RNF4: variants seen among roughly 807,000 people sequenced by gnomAD.
RNF4 encodes the protein ring finger protein 4, also known as E3 ubiquitin-protein ligase RNF4.
A neutral mutation model predicts 24.3 loss-of-function variants in RNF4; 7 were observed. The observed-to-expected ratio is 0.29, with a 90% CI of 0.16 to 0.54. The LOEUF is 0.54. RNF4 is among the 20% of genes least tolerant of loss of function. The pLI is 0.95. For synonymous variants in RNF4, 83 were observed against 84.3 expected, an observed-to-expected ratio of 0.98 and a Z score of 0.09; for missense variants, 209 against 248.5, an observed-to-expected ratio of 0.84 and a Z score of 1.07.
Position 2,512,514 on chromosome 4 carries a change from T to C in RNF4, c.291T>C (p.Asp97=), listed in dbSNP as rs1736297523. ...ACAGCTGTGTGGTGAGCAGTGACGA[T>C]GAGGAGTTGTCCAGGGACAGAGACG... The part of the protein sequence containing the change: ...HADSCVVSSD[D]EELSRDRDVY... The change falls in exon 6 of 8, where the codon GAT becomes GAC. Residue 97 remains aspartate (D), a synonymous_variant. Coordinates refer to ENST00000314289, the MANE Select transcript of RNF4 (RefSeq NM_002938.5). The surrounding 1 kb of genome is among the most constrained non-coding windows in gnomAD (Gnocchi z 4.1). The C allele has an allele frequency of 3.7e-6, 6 of 1,613,824 alleles. No individual in the cohort carries two copies. The highest frequency in any genetic ancestry group is 3.3e-5 in the South Asian group (3 of 91,076).
At chr4:2,505,493 T>G (rs904905098) in intron 4 of RNF4, 1 of 150,132 alleles carries the variant, frequency 6.7e-6, no homozygotes, top group Non-Finnish European at 1.5e-5. Context: ...ACCCGGCTAA[T>G]TTTTTGTATT....
intron 1 of RNF4, among the ~76,000 whole-genome samples, chr4:2,474,592 G>T (rs982401878): frequency 3.9e-5 from 6 of 152,166 alleles, no homozygotes; most frequent in Non-Finnish European, 5.9e-5. Flanking sequence ...ATAAAACAGT[G>T]GCAGGGTTTG....
At chr4:2,513,058 CT>C in intron 6 of RNF4, 24 bp from the exon 7 acceptor site, 6 of 1,612,310 alleles carry the variant, frequency 3.7e-6, no homozygotes, top group Non-Finnish European at 5.1e-6. Flanking sequence ...GACTGAGAAA[CT>C]AACGTGAAGC....
chr4:2,513,869 T>G lies in RNF4; in HGVS notation c.*50T>G. 4 of 1,610,284 alleles carry G rather than the reference T, an allele frequency of 2.5e-6. No homozygotes were observed. Among genetic ancestry groups the G allele is most frequent in the Non-Finnish European group, 3.4e-6 (4 of 1,177,554 alleles). On this transcript the variant is annotated 3_prime_UTR_variant, in exon 8 of 8. Transcript: ENST00000314289. ...ACGGATGGACAGACAGACAGCCAGGTTCTCCAGTGGTATCTGCCTCCATTT... is the reference window on the plus strand; with the variant it reads ...ACGGATGGACAGACAGACAGCCAGGGTCTCCAGTGGTATCTGCCTCCATTT...
chr4:2,502,935 C>G (rs1446297209), intron 4 of RNF4, among the ~76,000 whole-genome samples: 1 of 152,136 alleles, frequency 6.6e-6, no homozygotes, highest in Non-Finnish European at 1.5e-5. Context: ...ACTGCAGCCT[C>G]CAACCCCTGA....
intron 7 of RNF4, 140 bp from the exon 8 acceptor site, chr4:2,513,530 C>T: frequency 2.0e-6 from 2 of 981,218 alleles, no homozygotes; most frequent in Non-Finnish European, 3.0e-6. Context: ...AGTTAGCTCT[C>T]CAGACCCCTC....
intron 4 of RNF4, among the ~76,000 whole-genome samples, chr4:2,501,426 G>C (rs1172078270): frequency 6.6e-6 from 1 of 152,240 alleles, no homozygotes; most frequent in Non-Finnish European, 1.5e-5. Flanking sequence ...GGAGGCTGGA[G>C]CCCAGGAGGC....
chr4:2,483,810 A>C, intron 1 of RNF4, among the ~76,000 whole-genome samples: 1 of 151,998 alleles, frequency 6.6e-6, no homozygotes, highest in Non-Finnish European at 1.5e-5. Flanking sequence ...TCTCAAAAAA[A>C]AATTATTTGT....
Position 2,485,358 on chromosome 4 carries a change from A to C in RNF4, c.-157-4979A>C, listed in dbSNP as rs75303719. On this transcript the variant is annotated intron_variant, in intron 1 of 7. Transcript: ENST00000314289. ...GTTCTCCTAGCTTTGTTTCTTTTAA[A>C]TTCTCTTTTACAGATTCTATCTACC... Among the ~76,000 whole-genome samples the C allele has an allele frequency of 2.0e-3, 305 of 152,154 alleles. 2 individuals are homozygous for C. Among genetic ancestry groups the C allele is most frequent in the African/African-American group, 7.0e-3 (290 of 41,502 alleles).
rs779549191 is a variant in RNF4 at position 2,512,582 on chromosome 4, G to A, written c.359G>A (p.Gly120Asp). The change falls in exon 6 of 8, where the codon GGC becomes GAC. Residue 120 changes from glycine to aspartate, a missense_variant. Physicochemically the swap from Gly to Asp is moderately conservative, Grantham distance 94 (BLOSUM62 -1). Transcript: ENST00000314289. This position sits in a 1 kb window ranked among gnomAD's most constrained non-coding sequence, Gnocchi z 4.1. ...ACTCCCAGAAACGCCAGGGATGAGG[G>A]CGCTACAGGCCTCAGGTACCAACGT... Reference protein sequence around the residue: ...THTPRNARDEGATGLRPSGTV... With the variant: ...THTPRNARDEDATGLRPSGTV... 6.2e-7 allele frequency: 1 copy of A among 1,613,856 alleles called. No individual in the cohort carries two copies. Among genetic ancestry groups the A allele is most frequent in the Admixed American group, 1.7e-5 (1 of 60,020 alleles).
chr4:2,474,053 C>T (rs145267098), intron 1 of RNF4, among the ~76,000 whole-genome samples: 3 of 151,626 alleles, frequency 2.0e-5, no homozygotes, highest in Non-Finnish European at 2.9e-5. Context: ...TGCACTCAAG[C>T]GTGGACAATA....
chr4:2,485,321 T>C (rs1423893176), intron 1 of RNF4, among the ~76,000 whole-genome samples: 1 of 152,186 alleles, frequency 6.6e-6, no homozygotes, highest in Non-Finnish European at 1.5e-5. Flanking sequence ...TTTGTCTGAG[T>C]GACGGCTCCA....
At chr4:2,504,332 C>T (rs1325837345) in intron 4 of RNF4, among the ~76,000 whole-genome samples, 1 of 152,180 alleles carries the variant, frequency 6.6e-6, no homozygotes, top group Middle Eastern at 3.2e-3. Flanking sequence ...GAGCAGTTCA[C>T]ATTCATGCCA....
At chr4:2,506,818 C>T (rs920441371) in intron 4 of RNF4, among the ~76,000 whole-genome samples, 6 of 152,122 alleles carry the variant, frequency 3.9e-5, no homozygotes, top group African/African-American at 1.2e-4. Flanking sequence ...GATCCTCCCA[C>T]CTTGGTTTCC....
intron 3 of RNF4, 123 bp downstream of exon 3, chr4:2,497,244 C>T (rs1578515618): frequency 3.2e-6 from 2 of 619,294 alleles, no homozygotes; most frequent in South Asian, 4.2e-5. Context: ...TCACACTCAC[C>T]ATGTACAACT....
At chr4:2,487,702 C>A (rs1343261993) in intron 1 of RNF4, among the ~76,000 whole-genome samples, 2 of 152,226 alleles carry the variant, frequency 1.3e-5, no homozygotes, top group African/African-American at 4.8e-5. Flanking sequence ...GGTTATAGGG[C>A]ATGAGCCACT....
At chr4:2,498,470 G>A (rs2108768253) in intron 3 of RNF4, among the ~76,000 whole-genome samples, 1 of 152,212 alleles carries the variant, frequency 6.6e-6, no homozygotes, top group African/African-American at 2.4e-5. Flanking sequence ...TTACAGGCCT[G>A]AGCCACCCGC....
At chr4:2,501,062 C>T (rs957353697) in intron 4 of RNF4, among the ~76,000 whole-genome samples, 2 of 152,214 alleles carry the variant, frequency 1.3e-5, no homozygotes, top group Admixed American at 6.5e-5. Flanking sequence ...GGGAGAATCT[C>T]AAGACCCCCA....
intron 1 of RNF4, among the ~76,000 whole-genome samples, chr4:2,487,412 C>T (rs747866658): frequency 6.6e-6 from 1 of 152,106 alleles, no homozygotes; most frequent in Non-Finnish European, 1.5e-5. Context: ...TAGCCTCCTA[C>T]GTAGCTGGGA....
Sources: gnomAD v4.1 joint callset for allele counts (sites outside exome capture counted in the v4.1 genomes callset) on GRCh38, gnomAD v4.1.1 for gene constraint, Gnocchi (gnomAD v3.1) non-coding constraint, MANE v1.5 for transcripts, NCBI Gene and HGNC (gene_info 2026-07-23, HGNC 2026-07-21) for gene names.